Variants in MGAT1 observed in about 807,000 individuals in gnomAD.
MGAT1 encodes alpha-1,3-mannosyl-glycoprotein 2-beta-N-acetylglucosaminyltransferase.
Under a neutral mutation model 31.7 loss-of-function variants are expected in MGAT1, and 14 were observed. The observed-to-expected ratio is 0.44, with a 90% CI of 0.29 to 0.69. MGAT1 has a LOEUF of 0.69. Ranked by LOEUF, MGAT1 falls within the 30% of genes least tolerant of loss-of-function variation. The pLI is 0.12. For synonymous variants in MGAT1, 338 were observed against 276.0 expected, an observed-to-expected ratio of 1.22 and a Z score of -2.23; for missense variants, 557 against 626.0, an observed-to-expected ratio of 0.89 and a Z score of 1.18.
At chr5:180,815,489 A>G (rs937242437) in exon 1 of MGAT1, 1 of 152,410 alleles carries the variant, frequency 6.6e-6, no homozygotes, top group African/African-American at 2.4e-5. Context: ...TTCTCAGGAA[A>G]TGGCAGGCCA....
chr5:180,794,226 T>TA (rs397884031), intron 1 of MGAT1, among the ~76,000 whole-genome samples: 1,147 of 96,900 alleles, frequency 0.012, 18 homozygotes, highest in South Asian at 0.028. Flanking sequence ...AAGTAACAAT[T>TA]AAAAAAAAAA....
rs750358033 is a variant in MGAT1 at position 180,791,886 on chromosome 5, G to C, written c.1086C>G (p.Val362=). 22 of 1,614,222 alleles carry C rather than the reference G, an allele frequency of 1.4e-5. No individual in the cohort carries two copies. In the South Asian group the frequency reaches 2.4e-4, roughly 18 times the overall value. The part of the protein sequence containing the change: ...EAYDRDFLAR[V]YGAPQLQVEK... The stretch of plus-strand genomic sequence containing the variant: ...CCACCTGCAGCTGGGGAGCACCGTA[G>C]ACGCGGGCGAGGAAATCTCGGTCAT... The change falls in exon 2 of 2, where the codon GTC becomes GTG. Residue 362 remains valine, a synonymous_variant. Coordinates refer to ENST00000307826, the MANE Select transcript of MGAT1 (RefSeq NM_002406.4).
At chr5:180,809,256 G>C (rs1251691955) in intron 1 of MGAT1, 1 of 152,032 alleles carries the variant, frequency 6.6e-6, no homozygotes, top group Non-Finnish European at 1.5e-5. Flanking sequence ...TCACACGCCA[G>C]AACACAGTCA....
At chr5:180,793,999 C>T (rs994131717) in intron 1 of MGAT1, among the ~76,000 whole-genome samples, 5 of 152,084 alleles carry the variant, frequency 3.3e-5, no homozygotes, top group African/African-American at 1.2e-4. Context: ...TGGAGCTAGA[C>T]GAACTGACAG....
At chr5:180,811,089 A>T (rs1772528990) in intron 1 of MGAT1, 1 of 151,926 alleles carries the variant, frequency 6.6e-6, no homozygotes, top group African/African-American at 2.4e-5. Context: ...GGGAGCCGCT[A>T]CTCGTTTTTG....
At chr5:180,798,058 C>T (rs796626381) in intron 1 of MGAT1, among the ~76,000 whole-genome samples, 8 of 152,308 alleles carry the variant, frequency 5.3e-5, no homozygotes, top group African/African-American at 1.9e-4. Flanking sequence ...ACTGCTCAGG[C>T]CACCATCAGG....
At chr5:180,794,302 TC>T (rs1188924789) in intron 1 of MGAT1, among the ~76,000 whole-genome samples, 1 of 150,622 alleles carries the variant, frequency 6.6e-6, no homozygotes, top group Non-Finnish European at 1.5e-5. Context: ...TGAGATGGGA[TC>T]ACCTGAGTCT....
intron 1 of MGAT1, among the ~76,000 whole-genome samples, chr5:180,811,896 C>A (rs545019699): frequency 7.9e-5 from 12 of 152,352 alleles, no homozygotes; most frequent in African/African-American, 2.9e-4. Context: ...TAAAACACCC[C>A]TTCCAGGCAT....
intron 1 of MGAT1, chr5:180,810,653 T>C (rs2626817): frequency 0.15 from 22,570 of 150,714 alleles, 1,963 homozygotes; most frequent in African/African-American, 0.24. Context: ...CTTGACCTGG[T>C]TTCTCAAAAA....
At chr5:180,806,449 G>A (rs1013050164), upstream of MGAT1, among the ~76,000 whole-genome samples, 1 of 152,174 alleles carries the variant, frequency 6.6e-6, no homozygotes. Context: ...AGGGCAGGAG[G>A]GTGGGAAGGT....
At chr5:180,802,828 C>G (rs1451332037), upstream of MGAT1, 1 of 150,144 alleles carries the variant, frequency 6.7e-6, no homozygotes, top group Non-Finnish European at 1.5e-5. Flanking sequence ...GCCGGACGGC[C>G]GGGCGGGCAA....
At chr5:180,808,041 G>C (rs1772088280) in intron 2 of MGAT1, among the ~76,000 whole-genome samples, 1 of 152,236 alleles carries the variant, frequency 6.6e-6, no homozygotes, top group Non-Finnish European at 1.5e-5. Context: ...TAGGTGAAGA[G>C]AACATGGCCT....
At chr5:180,797,437 GGGGCC>G (rs1338676727) in intron 1 of MGAT1, among the ~76,000 whole-genome samples, 2 of 146,774 alleles carry the variant, frequency 1.4e-5, no homozygotes, top group Non-Finnish European at 3.0e-5. Context: ...AAAGGGGGGG[GGGGCC>G]CAGAGGGATA....
intron 1 of MGAT1, 149 bp from the exon 2 acceptor site, chr5:180,793,246 T>C (rs1022763897): frequency 2.0e-6 from 1 of 492,128 alleles, no homozygotes; most frequent in South Asian, 2.9e-5. Flanking sequence ...GGAGTCAACA[T>C]ATATCCTGAC....
At position 180,791,202 on chromosome 5, in the gene MGAT1, A is replaced by G. The variant is rs76550114; in HGVS notation, c.*432T>C. 6.3e-3 allele frequency: 1,146 copies of G among 180,894 alleles called. 5 individuals are homozygous for G. Among genetic ancestry groups the G allele is most frequent in the Middle Eastern group, 0.013 (5 of 380 alleles). 11.2% of individuals were successfully genotyped at this position (180,894 alleles called of 1,614,324 possible). ...GGCCACAAATATGTCCCCTTCTCCC[A>G]TAACTCAGTCCCCACTGGGGGAAGG... On this transcript the variant is annotated 3_prime_UTR_variant, in exon 2 of 2. Coordinates refer to ENST00000307826, the MANE Select transcript of MGAT1 (RefSeq NM_002406.4).
intron 1 of MGAT1, among the ~76,000 whole-genome samples, chr5:180,814,723 T>G (rs1265145794): frequency 6.6e-6 from 1 of 151,980 alleles, no homozygotes; most frequent in African/African-American, 2.4e-5. Context: ...GGGTGGGTCA[T>G]GAGGTCAGGA....
chr5:180,804,215 G>A (rs985024527), upstream of MGAT1, among the ~76,000 whole-genome samples: 2 of 152,204 alleles, frequency 1.3e-5, no homozygotes, highest in Admixed American at 6.5e-5. Context: ...CCATTCTACA[G>A]ATAACTAGTT....
upstream of MGAT1, among the ~76,000 whole-genome samples, chr5:180,806,944 C>G (rs928717538): frequency 6.6e-6 from 1 of 152,212 alleles, no homozygotes; most frequent in Non-Finnish European, 1.5e-5. Flanking sequence ...ATCTTGAGAC[C>G]CACACCTTAT....
rs755731290 is a variant in MGAT1, at chr5:180,793,021, TG to T, written c.-51del. On this transcript the variant is annotated 5_prime_UTR_variant, in exon 2 of 2. Transcript: ENST00000307826. ...GCCAGGGGACGGTTCAAGGCTGCCC[TG>T]GGCTTGCCCGGCTCCCTTGCCCGCA... 1 of 1,603,280 alleles carries T rather than the reference TG, an allele frequency of 6.2e-7. No homozygotes were observed. Among genetic ancestry groups the T allele is most frequent in the Non-Finnish European group, 8.5e-7 (1 of 1,175,966 alleles).
Sources: gnomAD v4.1 joint callset for allele counts (sites outside exome capture counted in the v4.1 genomes callset) on GRCh38, gnomAD v4.1.1 for gene constraint, MANE v1.5 for transcripts, NCBI Gene and HGNC (gene_info 2026-07-23, HGNC 2026-07-21) for gene names.